The following TTLL7 variants were observed in gnomAD, a reference collection of about 807,000 sequenced individuals.
The protein encoded by TTLL7 is tubulin polyglutamylase TTLL7.
Under a neutral mutation model 120.2 loss-of-function variants are expected in TTLL7, and 53 were observed. The observed-to-expected ratio is 0.44, with a 90% CI of 0.35 to 0.55. The LOEUF is 0.55. TTLL7 is among the 20% of genes least tolerant of loss of function. The probability of loss-of-function intolerance (pLI) is 0.00; values close to 1 mark genes in which losing one functional copy is unlikely to be tolerated. For missense variants in TTLL7, 803 were observed against 1,054.7 expected (o/e 0.76, Z 3.31); for synonymous variants, 353 against 351.7 (o/e 1.00, Z -0.04).
intron 18 of TTLL7, among the ~76,000 whole-genome samples, chr1:83,892,878 G>GAGAGAGAAAGAAGGAAAA (rs1655832331): frequency 1.1e-5 from 1 of 89,052 alleles, no homozygotes; most frequent in Non-Finnish European, 2.4e-5. Flanking sequence ...ATAAAGAAAA[G>GAGAGAGAAAGAAGGAAAA]AGCAAAAAGA....
chr1:83,944,681 C>G (rs1338341933), intron 6 of TTLL7, among the ~76,000 whole-genome samples: 1 of 152,202 alleles, frequency 6.6e-6, no homozygotes, highest in Non-Finnish European at 1.5e-5. Flanking sequence ...GCACTCCAGC[C>G]TGGGTGACTG....
At chr1:83,886,446 A>G (rs1332505649) in intron 19 of TTLL7, among the ~76,000 whole-genome samples, 1 of 152,044 alleles carries the variant, frequency 6.6e-6, no homozygotes, top group Non-Finnish European at 1.5e-5. Context: ...CCTAAAAAGT[A>G]TAACAACACA....
At chr1:83,887,152 G>A in intron 19 of TTLL7, 8 of 863,786 alleles carry the variant, frequency 9.3e-6, no homozygotes, top group Non-Finnish European at 1.2e-5. Context: ...TGTTTCTGGA[G>A]GTAGACAGGG....
chr1:83,894,444 C>T (rs190574871), intron 18 of TTLL7, among the ~76,000 whole-genome samples: 6 of 152,226 alleles, frequency 3.9e-5, no homozygotes, highest in African/African-American at 9.6e-5. Context: ...TTTAAATACA[C>T]TTCAAGGGCA....
intron 20 of TTLL7, among the ~76,000 whole-genome samples, chr1:83,872,039 T>C (rs2100691904): frequency 6.6e-6 from 1 of 152,282 alleles, no homozygotes; most frequent in African/African-American, 2.4e-5. Context: ...GATAATTCTA[T>C]GTCAATGGAA....
intron 18 of TTLL7, among the ~76,000 whole-genome samples, chr1:83,898,745 T>C (rs1371141935): frequency 2.6e-5 from 4 of 151,854 alleles, no homozygotes; most frequent in African/African-American, 9.7e-5. Context: ...TAAATATATG[T>C]ATATAAATAA....
intron 1 of TTLL7, among the ~76,000 whole-genome samples, chr1:83,956,934 T>C (rs1190585606): frequency 6.6e-6 from 1 of 152,130 alleles, no homozygotes; most frequent in Non-Finnish European, 1.5e-5. Flanking sequence ...AAAAGTAAAA[T>C]ATATGTGATA....
chr1:83,963,433 G>A (rs1474660299), intron 1 of TTLL7, among the ~76,000 whole-genome samples: 9 of 151,328 alleles, frequency 5.9e-5, no homozygotes, highest in East Asian at 3.9e-4. Context: ...AGCAGAAAGA[G>A]AGATAACAGA....
At chr1:83,911,455 T>A (rs1458284635) in intron 14 of TTLL7, 92 bp from the exon 15 acceptor site, 2 of 1,021,212 alleles carry the variant, frequency 2.0e-6, no homozygotes, top group Non-Finnish European at 2.8e-6. Context: ...CCCCTATGCT[T>A]GCTGCTTTTT....
At chr1:83,919,455 T>C (rs1464321810) in intron 13 of TTLL7, among the ~76,000 whole-genome samples, 1 of 152,188 alleles carries the variant, frequency 6.6e-6, no homozygotes, top group Non-Finnish European at 1.5e-5. Context: ...GAAGATACGT[T>C]ATTATAATAT....
chr1:83,926,651 A>G (rs963356499), intron 10 of TTLL7, among the ~76,000 whole-genome samples: 1 of 152,198 alleles, frequency 6.6e-6, no homozygotes, highest in Non-Finnish European at 1.5e-5. Context: ...AAGGCCAGTG[A>G]GGCTAAATGT....
chr1:83,892,511 CATAT>C (rs1276896686), intron 18 of TTLL7, among the ~76,000 whole-genome samples: 2 of 128,772 alleles, frequency 1.6e-5, no homozygotes, highest in South Asian at 4.9e-4. Flanking sequence ...TATGAATGAA[CATAT>C]ATATGAACAT....
rs143454208 is a variant in TTLL7 at position 83,871,758 on chromosome 1, G to T, written c.2544-1676C>A. Reference sequence around the variant, plus strand: ...AAAATACAAAAAAAATTAGCCGGTTGTGGTGGCGAGTGCCTGTAGTCCCAG... The same window carrying T: ...AAAATACAAAAAAAATTAGCCGGTTTTGGTGGCGAGTGCCTGTAGTCCCAG... On this transcript the variant is annotated intron_variant, in intron 20 of 20. Transcript: ENST00000260505. Among the ~76,000 whole-genome samples, 21 of 152,050 alleles carry T rather than the reference G, an allele frequency of 1.4e-4. No individual in the cohort carries two copies. The East Asian group carries it at 3.3e-3, about 24-fold the overall frequency.
intron 1 of TTLL7, among the ~76,000 whole-genome samples, chr1:83,974,225 C>G (rs1431904320): frequency 6.6e-6 from 1 of 151,906 alleles, no homozygotes; most frequent in East Asian, 1.9e-4. Flanking sequence ...TGAATGCATA[C>G]TAAGTATTAC....
intron 16 of TTLL7, among the ~76,000 whole-genome samples, chr1:83,906,899 G>A (rs182343445): frequency 4.6e-5 from 7 of 152,016 alleles, no homozygotes; most frequent in African/African-American, 9.6e-5. Context: ...GAAGGTAGTC[G>A]GAGCTATCTA....
chr1:83,971,933 T>C (rs531435008), intron 1 of TTLL7, among the ~76,000 whole-genome samples: 17 of 148,802 alleles, frequency 1.1e-4, no homozygotes, highest in African/African-American at 3.4e-4. Context: ...ATTTTTCATA[T>C]TGATTTATTT....
chr1:83,926,285 ACTAT>A (rs1036707340), intron 10 of TTLL7, among the ~76,000 whole-genome samples: 4 of 151,462 alleles, frequency 2.6e-5, no homozygotes, highest in Non-Finnish European at 5.9e-5. Context: ...TTAACAGAAC[ACTAT>A]CCATCCATTC....
chr1:83,993,637 G>C (rs369945935), intron 1 of TTLL7, among the ~76,000 whole-genome samples: 1 of 152,170 alleles, frequency 6.6e-6, no homozygotes, highest in Non-Finnish European at 1.5e-5. Context: ...AATTTCAAAA[G>C]AAAGGATCAG....
At chr1:83,977,320 A>G (rs1438507667) in intron 1 of TTLL7, among the ~76,000 whole-genome samples, 2 of 152,108 alleles carry the variant, frequency 1.3e-5, no homozygotes, top group Non-Finnish European at 2.9e-5. Flanking sequence ...CGGAGACCAT[A>G]TACACTGCTC....
Sources: allele counts gnomAD v4.1 joint callset (sites outside exome capture counted in the v4.1 genomes callset), GRCh38; gene constraint gnomAD v4.1.1; transcripts MANE v1.5; gene names NCBI Gene and HGNC (gene_info 2026-07-23, HGNC 2026-07-21).